Variants in TMTC4 observed in about 807,000 individuals in gnomAD.
The protein encoded by TMTC4 is transmembrane O-mannosyltransferase targeting cadherins 4, also known as protein O-mannosyl-transferase TMTC4.
TMTC4 carries 65 observed loss-of-function variants against 86.0 expected under a neutral mutation model. That is an observed-to-expected ratio of 0.76 (90% CI 0.62 to 0.93). The LOEUF (loss-of-function observed/expected upper bound fraction) is 0.93, where lower values mean the gene tolerates loss of function less well. Ranked by LOEUF, TMTC4 falls within the 40% of genes least tolerant of loss-of-function variation. TMTC4 has a pLI of 0.00. For synonymous variants in TMTC4, 379 were observed against 382.5 expected, an observed-to-expected ratio of 0.99 and a Z score of 0.11; for missense variants, 866 against 948.1, an observed-to-expected ratio of 0.91 and a Z score of 1.14.
chr13:100,614,168 A>G, intron 16 of TMTC4, 148 bp downstream of exon 16: 2 of 677,336 alleles, frequency 3.0e-6, no homozygotes, highest in Non-Finnish European at 2.5e-6. Context: ...AGGAATAGAC[A>G]TTTTTGTAAT....
rs1482429695 is a variant in TMTC4, at chr13:100,671,109, C to G, written c.-207-540G>C. 2.0e-5 allele frequency among the ~76,000 whole-genome samples: 3 copies of G among 152,184 alleles called. No individual in the cohort carries two copies. In the East Asian group the frequency reaches 5.8e-4, roughly 29 times the overall value. On this transcript the variant is annotated intron_variant, in intron 1 of 18. Transcript: ENST00000342624. ...ATAGAGTCATGAGCTGACAAAAGGTCATGTAACCGGTTTTGACGTTATCTG... is the reference window on the plus strand; with the variant it reads ...ATAGAGTCATGAGCTGACAAAAGGTGATGTAACCGGTTTTGACGTTATCTG...
At chr13:100,631,163 G>A (rs1881302607) in intron 12 of TMTC4, among the ~76,000 whole-genome samples, 1 of 152,166 alleles carries the variant, frequency 6.6e-6, no homozygotes, top group South Asian at 2.1e-4. Context: ...ACATGCTGAG[G>A]CAATGAACTA....
intron 5 of TMTC4, among the ~76,000 whole-genome samples, chr13:100,660,003 C>T (rs575569266): frequency 2.0e-4 from 30 of 150,136 alleles, no homozygotes; most frequent in Non-Finnish European, 4.3e-4. Flanking sequence ...GTGGTAAAGA[C>T]CTAAAACATA....
At chr13:100,629,334 T>C (rs1375896714) in intron 12 of TMTC4, among the ~76,000 whole-genome samples, 6 of 152,054 alleles carry the variant, frequency 3.9e-5, no homozygotes, top group Non-Finnish European at 7.4e-5. Context: ...GGTAAGATGG[T>C]GTGTAGCTGG....
intron 6 of TMTC4, among the ~76,000 whole-genome samples, chr13:100,648,737 T>TA (rs1326769944): frequency 6.6e-6 from 1 of 152,238 alleles, no homozygotes; most frequent in African/African-American, 2.4e-5. Context: ...TGGAGTACAG[T>TA]AGCATGATCA....
chr13:100,668,911 TCA>T, intron 2 of TMTC4, 117 bp from the exon 3 acceptor site: 1 of 1,082,380 alleles, frequency 9.2e-7, no homozygotes, highest in African/African-American at 1.6e-5. Context: ...TAGGATGTGA[TCA>T]GTAACAATTT....
intron 15 of TMTC4, among the ~76,000 whole-genome samples, chr13:100,620,511 T>C (rs1398679665): frequency 2.6e-5 from 4 of 152,194 alleles, no homozygotes; most frequent in Non-Finnish European, 5.9e-5. Flanking sequence ...TCTGAGTTCA[T>C]GTTACCATCC....
At chr13:100,640,650 C>T (rs746588271) in intron 7 of TMTC4, among the ~76,000 whole-genome samples, 20 of 152,056 alleles carry the variant, frequency 1.3e-4, no homozygotes, top group Non-Finnish European at 2.9e-4. Flanking sequence ...GAGACCCCAT[C>T]TCCACAAAAA....
rs775290777 is a variant in TMTC4, at chr13:100,664,403, T to C, written c.220-67A>G. Reference sequence around the variant, plus strand: ...ATCAGCCCTAAGCCAAGCTCCTCCATCTCTCACCTGGGATGCAGTCAGGCC... The same window carrying C: ...ATCAGCCCTAAGCCAAGCTCCTCCACCTCTCACCTGGGATGCAGTCAGGCC... On this transcript the variant is annotated intron_variant, in intron 3 of 18. Coordinates refer to ENST00000342624, the MANE Select transcript of TMTC4 (RefSeq NM_032813.5). The C allele has an allele frequency of 4.1e-4, 481 of 1,173,196 alleles. 1 individual carries two copies. Among genetic ancestry groups the C allele is most frequent in the Non-Finnish European group, 5.1e-4 (429 of 839,088 alleles). The allele number at this position is 1,173,196 out of a possible 1,614,324, so 72.7% of individuals were successfully genotyped here.
At chr13:100,648,988 T>C (rs1436282872) in intron 6 of TMTC4, among the ~76,000 whole-genome samples, 4 of 152,186 alleles carry the variant, frequency 2.6e-5, no homozygotes, top group Non-Finnish European at 5.9e-5. Context: ...TGTGCCCAGC[T>C]GCCACTCAAT....
intron 3 of TMTC4, among the ~76,000 whole-genome samples, chr13:100,665,097 A>G (rs1408760758): frequency 6.6e-6 from 1 of 152,220 alleles, no homozygotes; most frequent in South Asian, 2.1e-4. Context: ...TTTCCAGACA[A>G]AAGTCACTAA....
At chr13:100,674,216 G>A (rs1171255341) in intron 1 of TMTC4, 2 of 981,496 alleles carry the variant, frequency 2.0e-6, no homozygotes, top group Non-Finnish European at 2.4e-6. Flanking sequence ...CCGCTCCGCA[G>A]CCGAGCGTGG....
intron 12 of TMTC4, among the ~76,000 whole-genome samples, chr13:100,631,684 C>G (rs1407151950): frequency 6.6e-6 from 1 of 152,126 alleles, no homozygotes; most frequent in African/African-American, 2.4e-5. Context: ...ACATCTGGCC[C>G]TAAATTAGAG....
In TMTC4 at chr13:100,604,946, T is replaced by C. The variant is rs768926865; in HGVS notation, c.*48A>G. ...ATGTAACCACATACTATTAATGATA[T>C]GCCTCATGCACACACACACTCAAAC... On this transcript the variant is annotated 3_prime_UTR_variant, in exon 19 of 19. Transcript: ENST00000342624. 5.7e-6 allele frequency: 9 copies of C among 1,580,720 alleles called. No homozygotes were observed. Among genetic ancestry groups the C allele is most frequent in the Middle Eastern group, 1.7e-4 (1 of 5,908 alleles).
intron 17 of TMTC4, among the ~76,000 whole-genome samples, chr13:100,611,825 T>C (rs1264701389): frequency 6.6e-6 from 1 of 152,204 alleles, no homozygotes; most frequent in East Asian, 1.9e-4. Context: ...TAGTATCTTG[T>C]GGTTTTTGTT....
intron 6 of TMTC4, among the ~76,000 whole-genome samples, chr13:100,646,790 A>G (rs1883809675): frequency 1.3e-5 from 2 of 152,350 alleles, no homozygotes; most frequent in Middle Eastern, 3.4e-3. Context: ...ATGTCAAAAG[A>G]TCACAATAAG....
At chr13:100,612,938 AC>A in intron 16 of TMTC4, among the ~76,000 whole-genome samples, 1 of 152,314 alleles carries the variant, frequency 6.6e-6, no homozygotes, top group Admixed American at 6.5e-5. Context: ...TCTGCTCTAC[AC>A]CATGATCAAA....
At chr13:100,625,414 G>C (rs530895727) in intron 15 of TMTC4, 121 bp downstream of exon 15, 3 of 1,339,088 alleles carry the variant, frequency 2.2e-6, no homozygotes, top group African/African-American at 2.9e-5. Flanking sequence ...AAATGAGATA[G>C]AAACATGTGA....
chr13:100,664,335 T>A lies in TMTC4; in HGVS notation c.221A>T (p.Asp74Val). The A allele has an allele frequency of 6.2e-7, 1 of 1,603,134 alleles. No homozygotes were observed. The highest frequency in any genetic ancestry group is 8.5e-7 in the Non-Finnish European group (1 of 1,174,556). Residue 74 changes from aspartate to valine, a missense_variant and splice_region_variant, in exon 4 of 19, where the codon GAC becomes GTC. Coordinates refer to ENST00000342624, the MANE Select transcript of TMTC4 (RefSeq NM_032813.5). ...DDSEAIVNNK[D>V]LQAETPLGDL... is the part of the protein sequence containing the mutation. ...CCCCAGGGGCGTTTCTGCTTGGAGG[T>A]CCTGCAGGGTCACAAAGGGGATGTT...
Sources: allele counts gnomAD v4.1 joint callset (sites outside exome capture counted in the v4.1 genomes callset), GRCh38; gene constraint gnomAD v4.1.1; transcripts MANE v1.5; gene names NCBI Gene and HGNC (gene_info 2026-07-23, HGNC 2026-07-21).